SLTM: variants seen among roughly 807,000 people sequenced by gnomAD.
SLTM encodes the protein SAFB-like transcription modulator.
A neutral mutation model predicts 134.6 loss-of-function variants in SLTM; 43 were observed. The ratio of observed to expected loss-of-function variants is 0.32; its 90% CI spans 0.25 to 0.41. SLTM has a LOEUF of 0.41. Among genes scored for constraint, SLTM ranks in the 10% least tolerant of loss-of-function variants. The probability of loss-of-function intolerance (pLI) is 1.00; values close to 1 mark genes in which losing one functional copy is unlikely to be tolerated. For missense variants in SLTM, 1,055 were observed against 1,288.8 expected (o/e 0.82, Z 2.78); for synonymous variants, 424 against 432.3 (o/e 0.98, Z 0.24).
intron 2 of SLTM, chr15:58,932,109 C>T: frequency 2.6e-6 from 1 of 387,974 alleles, no homozygotes; most frequent in Non-Finnish European, 4.8e-6. Context: ...CACAACTTGA[C>T]TTTGTAATTT....
At chr15:58,882,768 G>T (rs1027973507) in intron 20 of SLTM, among the ~76,000 whole-genome samples, 2 of 152,162 alleles carry the variant, frequency 1.3e-5, no homozygotes, top group South Asian at 2.1e-4. Context: ...AGAGGAATGG[G>T]AAAGAAAGGA....
chr15:58,917,920 T>A (rs1050571124), intron 2 of SLTM, among the ~76,000 whole-genome samples: 1 of 152,024 alleles, frequency 6.6e-6, no homozygotes, highest in Non-Finnish European at 1.5e-5. Flanking sequence ...TGGCTAATTT[T>A]TGTATTTTTA....
At chr15:58,926,015 TTTAGA>T (rs2141224983) in intron 2 of SLTM, among the ~76,000 whole-genome samples, 1 of 152,298 alleles carries the variant, frequency 6.6e-6, no homozygotes, top group African/African-American at 2.4e-5. Context: ...CAAGCTTTAG[TTTAGA>T]TTAGTTAGTT....
intron 2 of SLTM, among the ~76,000 whole-genome samples, chr15:58,920,165 A>G (rs1457222554): frequency 6.6e-6 from 1 of 151,912 alleles, no homozygotes; most frequent in Non-Finnish European, 1.5e-5. Context: ...AAAATACAAA[A>G]AAGTAGCTGG....
In SLTM at chr15:58,893,894, A is replaced by T. The variant is rs1353708135; in HGVS notation, c.1575T>A (p.Asp525Glu). 2 of 1,612,876 alleles carry T rather than the reference A, an allele frequency of 1.2e-6. No homozygotes were observed. Among genetic ancestry groups the T allele is most frequent in the Admixed American group, 3.3e-5 (2 of 59,864 alleles). The change falls in exon 12 of 21, where the codon GAT (aspartate) becomes GAA (glutamate). Residue 525 changes from aspartate to glutamate, a missense_variant. Transcript: ENST00000380516. ...SKDTKKIEGK[D>E]EKNDNGASGQ... Reference sequence around the variant, plus strand: ...CACTTGCTCCATTATCATTCTTCTCATCTTTACCTTCTATTTTCTTAGTAT... The same window carrying T: ...CACTTGCTCCATTATCATTCTTCTCTTCTTTACCTTCTATTTTCTTAGTAT...
chr15:58,884,557 T>C (rs1287367750), intron 19 of SLTM, among the ~76,000 whole-genome samples: 3 of 152,138 alleles, frequency 2.0e-5, no homozygotes, highest in African/African-American at 7.2e-5. Context: ...GACTTCATGA[T>C]CCGCCCGCCT....
intron 5 of SLTM, among the ~76,000 whole-genome samples, chr15:58,906,072 T>A (rs536190247): frequency 3.3e-5 from 5 of 152,192 alleles, no homozygotes; most frequent in Admixed American, 3.3e-4. Flanking sequence ...GCAGCAAGCA[T>A]AGCACTAACC....
chr15:58,883,785 T>C lies in SLTM; in HGVS notation c.2837A>G (p.His946Arg). Residue 946 changes from histidine (H) to arginine (R), a missense_variant and splice_region_variant, in exon 20 of 21, where the codon CAC (histidine) becomes CGC (arginine). Physicochemically the swap from His to Arg is conservative, Grantham distance 29 (BLOSUM62 0). Transcript: ENST00000380516. The stretch of plus-strand genomic sequence containing the variant: ...AACCACATGTCGCTCCTCAGGATAG[T>C]GCTAAAAGAATAGCATATGAAAAGT... ...VITDRGGGSQ[H>R]YPEERHVVER... 1 of 1,613,774 alleles carries C rather than the reference T, an allele frequency of 6.2e-7. No homozygotes were observed. The highest frequency in any genetic ancestry group is 1.7e-4 in the Middle Eastern group (1 of 6,058).
Position 58,898,818 on chromosome 15 carries a change from A to C in SLTM, c.1093T>G (p.Ser365Ala), listed in dbSNP as rs143199326. The C allele has an allele frequency of 4.2e-4, 675 of 1,608,402 alleles. 3 individuals are homozygous for C. The African/African-American group carries it at 7.7e-3, about 18-fold the overall frequency. The change falls in exon 8 of 21, where the codon TCT (serine) becomes GCT (alanine). Residue 365 changes from serine to alanine, a missense_variant. This residue lies in a region of SLTM where 776 missense variants were observed against 962.2 expected (regional missense o/e 0.81). Transcript: ENST00000380516. ...SKESKDSKTSSKDDKGSTSST... is the reference protein window; with the variant it reads ...SKESKDSKTSAKDDKGSTSST... ...AATTCTTTACCTTTGTCATCTTTAG[A>C]TGATGTCTTGCTGTCTTTAGATTCC...
intron 15 of SLTM, 61 bp downstream of exon 15, chr15:58,890,220 C>A: frequency 1.3e-6 from 2 of 1,585,164 alleles, no homozygotes; most frequent in Non-Finnish European, 1.7e-6. Context: ...AGTTTTAGGG[C>A]TAAAATCACA....
Position 58,894,486 on chromosome 15 carries a change from T to C in SLTM, c.1324A>G (p.Ile442Val), listed in dbSNP as rs1188238208. 3 of 1,614,042 alleles carry C rather than the reference T, an allele frequency of 1.9e-6. No homozygotes were observed. Among genetic ancestry groups the C allele is most frequent in the African/African-American group, 2.7e-5 (2 of 74,920 alleles). Residue 442 changes from isoleucine (I) to valine (V), a missense_variant, in exon 10 of 21, where the codon ATT becomes GTT. By Grantham distance (29) the Ile-to-Val change is conservative. Around this residue, in one of 3 missense-constraint regions of SLTM, gnomAD observed 776 missense variants for 962.2 expected, o/e 0.81. Transcript: ENST00000380516. ...MSSSTEVSRC[I>V]AHLHRTELHG... ...AGCTCAGTGCGATGAAGATGTGCAATACACCTGGACACCTCTGTGCTTGAA... is the reference window on the plus strand; with the variant it reads ...AGCTCAGTGCGATGAAGATGTGCAACACACCTGGACACCTCTGTGCTTGAA...
In SLTM at chr15:58,891,970, G is replaced by A. The variant is rs573305331; in HGVS notation, c.1898+927C>T. Among the ~76,000 whole-genome samples, 18 of 152,242 alleles carry A rather than the reference G, an allele frequency of 1.2e-4. No individual in the cohort carries two copies. In the East Asian group the frequency reaches 2.1e-3, roughly 18 times the overall value. On this transcript the variant is annotated intron_variant, in intron 14 of 20. Coordinates refer to ENST00000380516, the MANE Select transcript of SLTM (RefSeq NM_024755.4). ...CTGTTGTCAACTAAATACACAGGAA[G>A]CTAGGCACATTTGGACTTCATCTTA...
intron 4 of SLTM, among the ~76,000 whole-genome samples, chr15:58,913,096 A>T (rs1460367148): frequency 6.6e-6 from 1 of 152,166 alleles, no homozygotes; most frequent in Non-Finnish European, 1.5e-5. Context: ...CCCTACCACC[A>T]AGTAATGTTG....
In SLTM at chr15:58,897,133, G is replaced by C; in HGVS notation, c.1209C>G (p.Leu403=). The C allele has an allele frequency of 6.2e-7, 1 of 1,610,590 alleles. No homozygotes were observed. Among genetic ancestry groups the C allele is most frequent in the Non-Finnish European group, 8.5e-7 (1 of 1,177,104 alleles). Residue 403 remains leucine (L), a synonymous_variant, in exon 9 of 21, where the codon CTC becomes CTG. Transcript: ENST00000380516. ...SNTKAADLKN[L]FGKYGKVLSA... is the part of the protein sequence containing the mutation. ...AATGTACCTTTCCATATTTGCCAAA[G>C]AGGTTCTTCAAATCAGCAGCTTTGG...
intron 2 of SLTM, among the ~76,000 whole-genome samples, chr15:58,918,178 T>C (rs1439069099): frequency 6.6e-6 from 1 of 152,082 alleles, no homozygotes; most frequent in African/African-American, 2.4e-5. Flanking sequence ...AAATCCTTAA[T>C]GTACTAGAAA....
intron 3 of SLTM, among the ~76,000 whole-genome samples, chr15:58,915,393 G>C (rs2036563682): frequency 1.3e-5 from 2 of 152,100 alleles, no homozygotes; most frequent in South Asian, 2.1e-4. Flanking sequence ...TTTATAAACT[G>C]AAGAGCTGAA....
Position 58,913,424 on chromosome 15 carries a change from A to G in SLTM, c.513+75T>C. ...AAAAATTCTGAGACTTCCAAATTGAACTAGAAAAAAATACTTTTTATTATT... is the reference window on the plus strand; with the variant it reads ...AAAAATTCTGAGACTTCCAAATTGAGCTAGAAAAAAATACTTTTTATTATT... On this transcript the variant is annotated intron_variant, in intron 4 of 20. Transcript: ENST00000380516. The G allele has an allele frequency of 2.4e-6, 3 of 1,234,428 alleles. No individual in the cohort carries two copies. The South Asian group carries it at 4.7e-5, about 19-fold the overall frequency. The allele number at this position is 1,234,428 out of a possible 1,614,324, so 76.5% of individuals were successfully genotyped here.
chr15:58,933,264 G>C (rs1021654945), intron 1 of SLTM, 140 bp downstream of exon 1: 2 of 858,490 alleles, frequency 2.3e-6, no homozygotes, highest in Non-Finnish European at 3.2e-6. Context: ...ACGCTCGCGG[G>C]AGCCGCCCCT....
chr15:58,926,904 G>T (rs749521570), intron 2 of SLTM, among the ~76,000 whole-genome samples: 3 of 152,038 alleles, frequency 2.0e-5, no homozygotes, highest in Non-Finnish European at 4.4e-5. Context: ...GAGCCACCGC[G>T]CCTGGCCAAA....
Sources: gnomAD v4.1 joint callset for allele counts (sites outside exome capture counted in the v4.1 genomes callset) on GRCh38, gnomAD v4.1.1 for gene constraint, gnomAD v4.1.1 regional missense constraint, MANE v1.5 for transcripts, NCBI Gene and HGNC (gene_info 2026-07-23, HGNC 2026-07-21) for gene names.